The following MAGEL2 variants were observed in gnomAD, a reference collection of about 807,000 sequenced individuals.
MAGEL2 encodes the protein MAGE family member L2.
For missense variants in MAGEL2, 1,830 were observed against 1,699.2 expected (o/e 1.08, Z -1.35); for synonymous variants, 792 against 721.7 (o/e 1.10, Z -1.56).
chr15:23,647,581 T>C lies in MAGEL2; in HGVS notation c.162A>G (p.Ser54=). ...GCTGAGGTGCCTGCCAAGCGGCCAATGAAGCCTGCAAGTCAATTGGAGGTG... is the reference window on the plus strand; with the variant it reads ...GCTGAGGTGCCTGCCAAGCGGCCAACGAAGCCTGCAAGTCAATTGGAGGTG... ...WDPPPIDLQA[S]LAAWQAPQPA... The change falls in exon 1 of 1, where the codon TCA becomes TCG. Residue 54 remains serine, a synonymous_variant. Transcript: ENST00000650528. The C allele has an allele frequency of 1.3e-6, 2 of 1,536,320 alleles. No individual in the cohort carries two copies. Among genetic ancestry groups the C allele is most frequent in the Non-Finnish European group, 1.7e-6 (2 of 1,146,790 alleles).
At position 23,646,263 on chromosome 15, in the gene MAGEL2, G is replaced by A. The variant is rs1184341325; in HGVS notation, c.1480C>T (p.Arg494Cys). Residue 494 changes from arginine (R) to cysteine (C), a missense_variant, in exon 1 of 1, where the codon CGC (arginine) becomes TGC (cysteine). Transcript: ENST00000650528. The surrounding 1 kb of genome is among the most constrained non-coding windows in gnomAD (Gnocchi z 4.2). ...PVIRQAPPLIRQAPPPIRPAP... is the reference protein window; with the variant it reads ...PVIRQAPPLICQAPPPIRPAP... ...GGTCGGATGGGCGGCGGCGCCTGGC[G>A]GATCAGCGGCGGGGCCTGGCGGATC... The A allele has an allele frequency of 5.2e-6, 7 of 1,358,358 alleles. No homozygotes were observed. The highest frequency in any genetic ancestry group is 4.7e-6 in the Non-Finnish European group (5 of 1,065,904). 84.1% of individuals were successfully genotyped at this position (1,358,358 alleles called of 1,614,324 possible).
chr15:23,645,285 C>T lies in MAGEL2; in HGVS notation c.2458G>A (p.Ala820Thr). Residue 820 changes from alanine to threonine, a missense_variant, in exon 1 of 1, where the codon GCT becomes ACT. Ala to Thr is a moderately conservative substitution (Grantham distance 58, BLOSUM62 0). Coordinates refer to ENST00000650528, the MANE Select transcript of MAGEL2 (RefSeq NM_019066.5). ...ACACAGGCAAAGGGATCCTGCAGAG[C>T]ATATGGCAGTGACTTTGGGGTCTCT... The part of the protein sequence containing the change: ...ASETPKSLPY[A>T]LQDPFACVEA... The T allele has an allele frequency of 6.2e-7, 1 of 1,614,006 alleles. No individual in the cohort carries two copies. The highest frequency in any genetic ancestry group is 8.5e-7 in the Non-Finnish European group (1 of 1,179,896).
At position 23,644,071 on chromosome 15, in the gene MAGEL2, C is replaced by G. The variant is rs745854066; in HGVS notation, c.3672G>C (p.Glu1224Asp). The G allele has an allele frequency of 1.9e-6, 3 of 1,613,764 alleles. No individual in the cohort carries two copies. In the African/African-American group the frequency reaches 4.0e-5, roughly 22 times the overall value. Residue 1224 changes from glutamate to aspartate, a missense_variant, in exon 1 of 1, where the codon GAG becomes GAC. By Grantham distance (45) the Glu-to-Asp change is conservative (BLOSUM62 2). Coordinates refer to ENST00000650528, the MANE Select transcript of MAGEL2 (RefSeq NM_019066.5). ...FHYLEALAEC[E>D]WEDTDEDEPD... ...GTTCATCCTCATCTGTGTCTTCCCA[C>G]TCACACTCTGCGAGCGCTTCAAGGT...
Position 23,643,913 on chromosome 15 carries a change from A to T in MAGEL2, c.*80T>A. 7.0e-7 allele frequency: 1 copy of T among 1,423,786 alleles called. No individual in the cohort carries two copies. The allele number at this position is 1,423,786 out of a possible 1,614,324, so 88.2% of individuals were successfully genotyped here. A position where few individuals can be genotyped will look rare whatever the true frequency, so the allele number is the denominator to read the frequency against. On this transcript the variant is annotated 3_prime_UTR_variant, in exon 1 of 1. Transcript: ENST00000650528. ...ACACTCGTGGAACTGGAACACAAACACCAGGAACAAAAATGTCCCCCCACC... is the reference window on the plus strand; with the variant it reads ...ACACTCGTGGAACTGGAACACAAACTCCAGGAACAAAAATGTCCCCCCACC...
chr15:23,645,715 C>T lies in MAGEL2; in HGVS notation c.2028G>A (p.Glu676=), dbSNP rs369695361. The T allele has an allele frequency of 1.9e-5, 29 of 1,561,732 alleles. No individual in the cohort carries two copies. Among genetic ancestry groups the T allele is most frequent in the Non-Finnish European group, 2.5e-5 (29 of 1,156,082 alleles). ...QQAQASGPQA[E]VPTLPLQPSW... ...AAGGCTGGAGCGGCAGTGTGGGCACCTCCGCTTGCGGACCCGATGCCTGGG... is the reference window on the plus strand; with the variant it reads ...AAGGCTGGAGCGGCAGTGTGGGCACTTCCGCTTGCGGACCCGATGCCTGGG... The change falls in exon 1 of 1, where the codon GAG becomes GAA. Residue 676 remains glutamate, a synonymous_variant. Transcript: ENST00000650528.
chr15:23,645,628 A>C lies in MAGEL2; in HGVS notation c.2115T>G (p.Asn705Lys). 6.3e-7 allele frequency: 1 copy of C among 1,591,978 alleles called. No individual in the cohort carries two copies. Among genetic ancestry groups the C allele is most frequent in the Non-Finnish European group, 8.5e-7 (1 of 1,170,030 alleles). ...AQPGPPVAAA[N>K]FPLGSAKSLM... Reference sequence around the variant, plus strand: ...ATGATTTAGCGGAGCCCAGGGGAAAATTTGCCGCTGCTACCGGGGGTCCGG... The same window carrying C: ...ATGATTTAGCGGAGCCCAGGGGAAACTTTGCCGCTGCTACCGGGGGTCCGG... The change falls in exon 1 of 1, where the codon AAT becomes AAG. Residue 705 changes from asparagine to lysine, a missense_variant. By Grantham distance (94) the Asn-to-Lys change is moderately conservative (BLOSUM62 0). Transcript: ENST00000650528.
Position 23,647,311 on chromosome 15 carries a change from A to G in MAGEL2, c.432T>C (p.Pro144=), listed in dbSNP as rs1257900313. 6.5e-7 allele frequency: 1 copy of G among 1,535,066 alleles called. No homozygotes were observed. The highest frequency in any genetic ancestry group is 8.7e-7 in the Non-Finnish European group (1 of 1,146,356). Residue 144 remains proline (P), a synonymous_variant, in exon 1 of 1, where the codon CCT becomes CCC. Coordinates refer to ENST00000650528, the MANE Select transcript of MAGEL2 (RefSeq NM_019066.5). ...APGAPMAHPP[P]PGTPMSHPPP... Reference sequence around the variant, plus strand: ...GAGGGTGGGACATTGGGGTCCCCGGAGGAGGAGGATGGGCCATGGGAGCTC... The same window carrying G: ...GAGGGTGGGACATTGGGGTCCCCGGGGGAGGAGGATGGGCCATGGGAGCTC...
rs1249139977 is a variant in MAGEL2 at position 23,645,447 on chromosome 15, G to C, written c.2296C>G (p.Arg766Gly). The C allele has an allele frequency of 6.2e-7, 1 of 1,613,950 alleles. No individual in the cohort carries two copies. ...TTCCAGGCAGCTGGCAGGTGTGCTC[G>C]CGCAGCTGACACTGCCTTGGGAGCA... is the stretch of plus-strand genomic sequence containing the variant. ...FCAPKAVSAA[R>G]AHLPAAWKNL... The change falls in exon 1 of 1, where the codon CGA (arginine) becomes GGA (glycine). Residue 766 changes from arginine to glycine, a missense_variant. Coordinates refer to ENST00000650528, the MANE Select transcript of MAGEL2 (RefSeq NM_019066.5).
chr15:23,647,094 T>C lies in MAGEL2; in HGVS notation c.649A>G (p.Thr217Ala). 1.3e-6 allele frequency: 2 copies of C among 1,529,264 alleles called. No individual in the cohort carries two copies. The highest frequency in any genetic ancestry group is 8.7e-7 in the Non-Finnish European group (1 of 1,144,086). 94.7% of individuals were successfully genotyped at this position (1,529,264 alleles called of 1,614,324 possible). Reference protein sequence around the residue: ...TPMAHPPPPGTPMAHPPPPGT... With the variant: ...TPMAHPPPPGAPMAHPPPPGT... Reference sequence around the variant, plus strand: ...GGAGGGGGAGGATGAGCCATCGGTGTCCCCGGAGGTGGAGGATGAGCCATC... The same window carrying C: ...GGAGGGGGAGGATGAGCCATCGGTGCCCCCGGAGGTGGAGGATGAGCCATC... The change falls in exon 1 of 1, where the codon ACA becomes GCA. Residue 217 changes from threonine to alanine, a missense_variant. Coordinates refer to ENST00000650528, the MANE Select transcript of MAGEL2 (RefSeq NM_019066.5).
rs1045111596 is a variant in MAGEL2 at position 23,646,689 on chromosome 15, G to C, written c.1054C>G (p.Pro352Ala). 1.6e-5 allele frequency: 24 copies of C among 1,521,272 alleles called. No homozygotes were observed. The Admixed American group carries it at 2.2e-4, about 14-fold the overall frequency. 94.2% of individuals were successfully genotyped at this position (1,521,272 alleles called of 1,614,324 possible). A position where few individuals can be genotyped will look rare whatever the true frequency, so the allele number is the denominator to read the frequency against. Residue 352 changes from proline (P) to alanine (A), a missense_variant, in exon 1 of 1, where the codon CCC becomes GCC. Pro to Ala is a conservative substitution (Grantham distance 27). Transcript: ENST00000650528. The surrounding 1 kb of genome is among the most constrained non-coding windows in gnomAD (Gnocchi z 4.2). ...GCTGGGGGTGCCTGCGGGCCCTGGG[G>C]AACCTGCGGAGGAGCCCTTATAACT... ...SQVIRAPPQV[P>A]QGPQAPPAQL... is the part of the protein sequence containing the mutation.
Position 23,645,835 on chromosome 15 carries a change from C to A in MAGEL2, c.1908G>T (p.Gln636His), listed in dbSNP as rs754144643. 2 of 1,582,062 alleles carry A rather than the reference C, an allele frequency of 1.3e-6. No individual in the cohort carries two copies. Among genetic ancestry groups the A allele is most frequent in the Non-Finnish European group, 8.6e-7 (1 of 1,165,010 alleles). The change falls in exon 1 of 1, where the codon CAG becomes CAT. Residue 636 changes from glutamine to histidine, a missense_variant. Transcript: ENST00000650528. ...IWQPLPAQEA[Q>H]RQAPPLVQLE... ...GCTGGACCAAGGGGGGAGCCTGCCT[C>A]TGGGCCTCCTGGGCAGGCAGGGGCT...
In MAGEL2 at chr15:23,646,099, A is replaced by G. The variant is rs1890396070; in HGVS notation, c.1644T>C (p.Ala548=). Residue 548 remains alanine (A), a synonymous_variant, in exon 1 of 1, where the codon GCT becomes GCC. Coordinates refer to ENST00000650528, the MANE Select transcript of MAGEL2 (RefSeq NM_019066.5). This position sits in a 1 kb window ranked among gnomAD's most constrained non-coding sequence, Gnocchi z 4.2. ...CGGGCGGCGCCGCGGGTACCTGCGT[A>G]GCAGGTGGGGCCGTAGGCACCTGCG... ...AAPQVPTAPP[A]TQVPAAPPAG... 7.0e-7 allele frequency: 1 copy of G among 1,429,524 alleles called. No homozygotes were observed. Among genetic ancestry groups the G allele is most frequent in the Non-Finnish European group, 9.1e-7 (1 of 1,100,876 alleles). 88.6% of individuals were successfully genotyped at this position (1,429,524 alleles called of 1,614,324 possible). A position where few individuals can be genotyped will look rare whatever the true frequency, so the allele number is the denominator to read the frequency against.
Position 23,644,932 on chromosome 15 carries a change from T to C in MAGEL2, c.2811A>G (p.Pro937=). ...PIQVSGDWEH[P]NTPRGLSGWE... is the part of the protein sequence containing the mutation. ...AACCACTCAGGCCACGGGGGGTGTT[T>C]GGGTGCTCCCAGTCACCCGAGACCT... Residue 937 remains proline (P), a synonymous_variant, in exon 1 of 1, where the codon CCA becomes CCG. Coordinates refer to ENST00000650528, the MANE Select transcript of MAGEL2 (RefSeq NM_019066.5). 6.2e-7 allele frequency: 1 copy of C among 1,613,492 alleles called. No individual in the cohort carries two copies. The highest frequency in any genetic ancestry group is 1.1e-5 in the South Asian group (1 of 91,076).
At position 23,647,055 on chromosome 15, in the gene MAGEL2, C is replaced by G; in HGVS notation, c.688G>C (p.Ala230Pro). ...AGGACTCCCGGAGCTGGAGGCTGGG[C>G]CATCGGTGTACCCGGAGGGGGAGGA... ...AHPPPPGTPMAQPPAPGVLMA... is the reference protein window; with the variant it reads ...AHPPPPGTPMPQPPAPGVLMA... The change falls in exon 1 of 1, where the codon GCC becomes CCC. Residue 230 changes from alanine (A) to proline (P), a missense_variant. Physicochemically the swap from Ala to Pro is conservative, Grantham distance 27. Transcript: ENST00000650528. 12 of 1,536,196 alleles carry G rather than the reference C, an allele frequency of 7.8e-6. No individual in the cohort carries two copies. Among genetic ancestry groups the G allele is most frequent in the Non-Finnish European group, 1.0e-5 (12 of 1,146,530 alleles).
chr15:23,645,196 C>T lies in MAGEL2; in HGVS notation c.2547G>A (p.Gln849=). 6.2e-7 allele frequency: 1 copy of T among 1,613,892 alleles called. No individual in the cohort carries two copies. Among genetic ancestry groups the T allele is most frequent in the Non-Finnish European group, 8.5e-7 (1 of 1,179,892 alleles). The part of the protein sequence containing the change: ...QPNMNASKAS[Q]AVPTFLMATA... ...TAGCCATCAGGAAGGTGGGCACTGC[C>T]TGCGATGCCTTTGAGGCATTCATAT... Residue 849 remains glutamine (Q), a synonymous_variant, in exon 1 of 1, where the codon CAG becomes CAA. Coordinates refer to ENST00000650528, the MANE Select transcript of MAGEL2 (RefSeq NM_019066.5).
chr15:23,645,710 G>C lies in MAGEL2; in HGVS notation c.2033C>G (p.Pro678Arg), dbSNP rs772838496. Residue 678 changes from proline (P) to arginine (R), a missense_variant, in exon 1 of 1, where the codon CCC becomes CGC. Coordinates refer to ENST00000650528, the MANE Select transcript of MAGEL2 (RefSeq NM_019066.5). ...AQASGPQAEV[P>R]TLPLQPSWQA... ...CCAGGAAGGCTGGAGCGGCAGTGTG[G>C]GCACCTCCGCTTGCGGACCCGATGC... 9 of 1,561,624 alleles carry C rather than the reference G, an allele frequency of 5.8e-6. No homozygotes were observed. Among genetic ancestry groups the C allele is most frequent in the Admixed American group, 1.9e-5 (1 of 52,856 alleles).
rs1890382757 is a variant in MAGEL2 at position 23,645,673 on chromosome 15, A to G, written c.2070T>C (p.Pro690=). The change falls in exon 1 of 1, where the codon CCT becomes CCC. Residue 690 remains proline (P), a synonymous_variant. Transcript: ENST00000650528. ...GTCCGGGCTGGGCCTGCAAGACTGCAGGCGGTGCCTGCCAGGAAGGCTGGA... is the reference window on the plus strand; with the variant it reads ...GTCCGGGCTGGGCCTGCAAGACTGCGGGCGGTGCCTGCCAGGAAGGCTGGA... ...LPLQPSWQAP[P]AVLQAQPGPP... 2.6e-6 allele frequency: 4 copies of G among 1,564,706 alleles called. No homozygotes were observed. The highest frequency in any genetic ancestry group is 3.5e-6 in the Non-Finnish European group (4 of 1,158,574).
In MAGEL2 at chr15:23,647,809, A is replaced by C; in HGVS notation, c.-67T>G. Reference sequence around the variant, plus strand: ...TGCTGGGCCTTTTCCTCCAGAGAGAAGAGAATGCCTACGTGGCTGTTCAGA... The same window carrying C: ...TGCTGGGCCTTTTCCTCCAGAGAGACGAGAATGCCTACGTGGCTGTTCAGA... On this transcript the variant is annotated 5_prime_UTR_variant, in exon 1 of 1. Transcript: ENST00000650528. 2 of 1,411,938 alleles carry C rather than the reference A, an allele frequency of 1.4e-6. No individual in the cohort carries two copies. The highest frequency in any genetic ancestry group is 1.8e-6 in the Non-Finnish European group (2 of 1,082,626). 87.5% of individuals were successfully genotyped at this position (1,411,938 alleles called of 1,614,324 possible).
rs1464977816 is a variant in MAGEL2 at position 23,644,410 on chromosome 15, G to A, written c.3333C>T (p.Gly1111=). 2 of 1,613,914 alleles carry A rather than the reference G, an allele frequency of 1.2e-6. No homozygotes were observed. Among genetic ancestry groups the A allele is most frequent in the Non-Finnish European group, 1.7e-6 (2 of 1,179,884 alleles). Residue 1111 remains glycine (G), a synonymous_variant, in exon 1 of 1, where the codon GGC becomes GGT. Transcript: ENST00000650528. ...TGAGGCTCAAGACCACCATCAGAAG[G>A]CCAAACTTGGGCCTGTCTAAATAGG... The part of the protein sequence containing the change: ...VASYLDRPKF[G]LLMVVLSLIF...
Sources: gnomAD v4.1 joint callset for allele counts on GRCh38, gnomAD v4.1.1 for gene constraint, Gnocchi (gnomAD v3.1) non-coding constraint, MANE v1.5 for transcripts, NCBI Gene and HGNC (gene_info 2026-07-23, HGNC 2026-07-21) for gene names.